FAM168A: variants seen among roughly 807,000 people sequenced by gnomAD.
FAM168A encodes protein FAM168A.
A neutral mutation model predicts 28.5 loss-of-function variants in FAM168A; 3 were observed. The ratio of observed to expected loss-of-function variants is 0.11; its 90% CI spans 0.05 to 0.27. The LOEUF (loss-of-function observed/expected upper bound fraction) is 0.27. Ranked by LOEUF, FAM168A falls within the 10% of genes least tolerant of loss-of-function variation. The pLI, the probability that FAM168A is intolerant of heterozygous loss-of-function variation, is 1.00. For missense variants in FAM168A, 222 were observed against 311.5 expected (o/e 0.71, Z 2.16); for synonymous variants, 122 against 124.2 (o/e 0.98, Z 0.12).
chr11:73,535,414 CTTTCTT>C (rs1331195399), intron 1 of FAM168A, among the ~76,000 whole-genome samples: 1 of 139,454 alleles, frequency 7.2e-6, no homozygotes, highest in African/African-American at 3.0e-5. Context: ...TATTTTCTTT[CTTTCTT>C]TTTTTTTTTT....
At chr11:73,507,773 C>A (rs1319200688) in intron 1 of FAM168A, among the ~76,000 whole-genome samples, 2 of 152,108 alleles carry the variant, frequency 1.3e-5, no homozygotes, top group African/African-American at 4.8e-5. Flanking sequence ...CACTTATATG[C>A]CTCCCTCTGA....
rs574610819 is a variant in FAM168A at position 73,534,688 on chromosome 11, G to A, written c.-19+63235C>T. 5.9e-5 allele frequency among the ~76,000 whole-genome samples: 9 copies of A among 151,966 alleles called. No homozygotes were observed. The East Asian group carries it at 1.7e-3, about 29-fold the overall frequency. Reference sequence around the variant, plus strand: ...AAAGTGCTGGGATTACAGGGTGTAAGCCACCACACCCGGCAGTACCATATA... The same window carrying A: ...AAAGTGCTGGGATTACAGGGTGTAAACCACCACACCCGGCAGTACCATATA... On this transcript the variant is annotated intron_variant, in intron 1 of 7. Coordinates refer to ENST00000356467, the MANE Select transcript of FAM168A (RefSeq NM_015159.3).
chr11:73,482,841 C>T lies in FAM168A; in HGVS notation c.-18-14349G>A, dbSNP rs142042946. On this transcript the variant is annotated intron_variant, in intron 1 of 7. Transcript: ENST00000356467. ...GCAACCTCCACCTCCTGGGTTCAAG[C>T]GATTCTCCTACCTCAGCCTCCCAAG... is the stretch of plus-strand genomic sequence containing the variant. 5.9e-3 allele frequency among the ~76,000 whole-genome samples: 892 copies of T among 152,162 alleles called. 8 individuals carry two copies. The highest frequency in any genetic ancestry group is 0.027 in the Middle Eastern group (8 of 294).
At chr11:73,439,399 G>A (rs922363333) in intron 2 of FAM168A, among the ~76,000 whole-genome samples, 1 of 152,158 alleles carries the variant, frequency 6.6e-6, no homozygotes, top group Non-Finnish European at 1.5e-5. Context: ...AGCAACCTCT[G>A]GGTCATTCAC....
rs35314829 is a variant in FAM168A, at chr11:73,531,802, C to CTTTT, written c.-18-63314_-18-63311dup. ...CCTGCAAAGCACAGACCAAGTATCA[C>CTTTT]TTTTTTTTTTTTTTTTTTTTGAGAC... is the stretch of plus-strand genomic sequence containing the variant. On this transcript the variant is annotated intron_variant, in intron 1 of 7. Transcript: ENST00000356467. Among the ~76,000 whole-genome samples the CTTTT allele has an allele frequency of 9.1e-3, 1,107 of 121,772 alleles. 27 individuals are homozygous for CTTTT. Among genetic ancestry groups the CTTTT allele is most frequent in the African/African-American group, 0.029 (869 of 29,718 alleles). The allele number at this position is 121,772 out of a possible 152,430, so 79.9% of individuals were successfully genotyped here.
intron 1 of FAM168A, among the ~76,000 whole-genome samples, chr11:73,552,658 G>A (rs1216368257): frequency 6.6e-6 from 1 of 152,104 alleles, no homozygotes; most frequent in Non-Finnish European, 1.5e-5. Flanking sequence ...TTGACCAGTT[G>A]AATAAATAAT....
chr11:73,590,333 G>C (rs1441512830), intron 1 of FAM168A, among the ~76,000 whole-genome samples: 2 of 152,166 alleles, frequency 1.3e-5, no homozygotes, highest in African/African-American at 4.8e-5. Flanking sequence ...AGCCTAGTAG[G>C]TCAAGGCTGC....
intron 2 of FAM168A, among the ~76,000 whole-genome samples, chr11:73,433,328 G>C (rs1010789305): frequency 6.6e-6 from 1 of 150,590 alleles, no homozygotes; most frequent in Non-Finnish European, 1.5e-5. Context: ...CTCCCATTCT[G>C]TGGATTGTCT....
chr11:73,420,133 C>T, intron 3 of FAM168A, 134 bp from the exon 4 acceptor site: 1 of 1,012,584 alleles, frequency 9.9e-7, no homozygotes, highest in Admixed American at 2.8e-5. Context: ...ATGGGATGGT[C>T]AGCCTTTCTG....
intron 1 of FAM168A, among the ~76,000 whole-genome samples, chr11:73,527,265 T>C (rs948426616): frequency 2.0e-5 from 3 of 152,114 alleles, no homozygotes; most frequent in African/African-American, 7.2e-5. Flanking sequence ...TCTAGATACA[T>C]GAATACCAGC....
intron 1 of FAM168A, among the ~76,000 whole-genome samples, chr11:73,584,447 G>A (rs978948558): frequency 6.7e-6 from 1 of 150,136 alleles, no homozygotes; most frequent in Admixed American, 6.7e-5. Flanking sequence ...ACAGGTGTGA[G>A]CCACCATGGC....
intron 2 of FAM168A, among the ~76,000 whole-genome samples, chr11:73,441,225 A>AT (rs755401923): frequency 1.3e-5 from 2 of 151,966 alleles, no homozygotes; most frequent in Non-Finnish European, 2.9e-5. Flanking sequence ...CGCTTGGCTA[A>AT]TTTTTTGTAT....
intron 1 of FAM168A, among the ~76,000 whole-genome samples, chr11:73,484,507 G>GAGAGAGAGAGATATATATAT (rs1243168733): frequency 1.3e-5 from 1 of 77,772 alleles, no homozygotes; most frequent in African/African-American, 5.7e-5. Context: ...AGGAGAGAGA[G>GAGAGAGAGAGATATATATAT]ATATATATAG....
chr11:73,491,515 G>C (rs1300948252), intron 1 of FAM168A, among the ~76,000 whole-genome samples: 1 of 152,142 alleles, frequency 6.6e-6, no homozygotes, highest in African/African-American at 2.4e-5. Context: ...TATTTATTCT[G>C]TTTTTACTCA....
intron 1 of FAM168A, among the ~76,000 whole-genome samples, chr11:73,492,967 C>G (rs561745911): frequency 6.6e-6 from 1 of 152,138 alleles, no homozygotes; most frequent in African/African-American, 2.4e-5. Flanking sequence ...TAAGCAGGAA[C>G]TAAACATTGG....
intron 1 of FAM168A, among the ~76,000 whole-genome samples, chr11:73,530,041 C>T (rs1943497307): frequency 6.6e-6 from 1 of 152,036 alleles, no homozygotes; most frequent in African/African-American, 2.4e-5. Flanking sequence ...TCCACCTCAG[C>T]CTCCCAAAGT....
intron 1 of FAM168A, among the ~76,000 whole-genome samples, chr11:73,535,814 G>A (rs1478082995): frequency 6.7e-6 from 1 of 150,098 alleles, no homozygotes; most frequent in Non-Finnish European, 1.5e-5. Flanking sequence ...TCCCACCTTG[G>A]CCTCCCAAGG....
chr11:73,481,156 T>A (rs1481135939), intron 1 of FAM168A, among the ~76,000 whole-genome samples: 7 of 152,186 alleles, frequency 4.6e-5, no homozygotes, highest in Admixed American at 6.5e-5. Context: ...TAGGCTCAAG[T>A]GATCCTCCTG....
At chr11:73,552,418 C>T (rs1943840347) in intron 1 of FAM168A, among the ~76,000 whole-genome samples, 1 of 152,264 alleles carries the variant, frequency 6.6e-6, no homozygotes, top group East Asian at 1.9e-4. Flanking sequence ...TAATTATGCA[C>T]CTTCTTTAAA....
Sources: gnomAD v4.1 joint callset for allele counts (sites outside exome capture counted in the v4.1 genomes callset) on GRCh38, gnomAD v4.1.1 for gene constraint, MANE v1.5 for transcripts, NCBI Gene and HGNC (gene_info 2026-07-23, HGNC 2026-07-21) for gene names.